The following PCDHA12 variants were observed in gnomAD, a reference collection of about 807,000 sequenced individuals.
PCDHA12 encodes the protein protocadherin alpha 12.
PCDHA12 carries 44 observed loss-of-function variants against 60.0 expected under a neutral mutation model. The ratio of observed to expected loss-of-function variants is 0.73; its 90% confidence interval spans 0.58 to 0.94. The LOEUF is 0.94. PCDHA12 is among the 40% of genes least tolerant of loss of function. The pLI is 0.00. For synonymous variants in PCDHA12, 569 were observed against 553.0 expected (o/e 1.03, Z -0.40); for missense variants, 1,276 against 1,239.7 (o/e 1.03, Z -0.44).
intron 3 of PCDHA12, among the ~76,000 whole-genome samples, chr5:141,006,952 A>G (rs2098296225): frequency 1.3e-5 from 2 of 152,212 alleles, no homozygotes; most frequent in South Asian, 4.1e-4. Flanking sequence ...ATAGGCAGTT[A>G]TACATGAGAT....
chr5:141,009,863 A>G lies in PCDHA12; in HGVS notation c.2752A>G (p.Lys918Glu). 1 of 1,614,104 alleles carries G rather than the reference A, an allele frequency of 6.2e-7. No homozygotes were observed. Among genetic ancestry groups the G allele is most frequent in the Non-Finnish European group, 8.5e-7 (1 of 1,180,006 alleles). Residue 918 changes from lysine to glutamate, a missense_variant, in exon 4 of 4, where the codon AAA becomes GAA. Coordinates refer to ENST00000398631, the MANE Select transcript of PCDHA12 (RefSeq NM_018903.4). ...GKKEETKKKK[K>E]KKKGNKTQEK... ...AAAGGAGGAGACCAAGAAAAAGAAG[A>G]AAAAGAAGAAGGGTAACAAGACCCA...
Position 140,876,286 on chromosome 5 carries a change from G to C in PCDHA12, c.814G>C (p.Gly272Arg), listed in dbSNP as rs782471001. ...IQLNASDPDE[G>R]LNGEISYGIK... ...ACTAAATGCTTCCGATCCAGACGAA[G>C]GACTTAATGGAGAAATTTCCTATGG... Residue 272 changes from glycine (G) to arginine (R), a missense_variant, in exon 1 of 4, where the codon GGA becomes CGA. Transcript: ENST00000398631. 14 of 1,614,040 alleles carry C rather than the reference G, an allele frequency of 8.7e-6. No homozygotes were observed. The highest frequency in any genetic ancestry group is 1.0e-5 in the Non-Finnish European group (12 of 1,179,906).
At chr5:140,918,977 AG>A (rs1226723076) in intron 1 of PCDHA12, among the ~76,000 whole-genome samples, 6 of 152,192 alleles carry the variant, frequency 3.9e-5, no homozygotes, top group African/African-American at 1.4e-4. Context: ...CGTTTAGGTT[AG>A]TTGGTTTTTA....
At chr5:140,886,742 C>T (rs2061110620) in intron 1 of PCDHA12, among the ~76,000 whole-genome samples, 1 of 149,008 alleles carries the variant, frequency 6.7e-6, no homozygotes, top group Non-Finnish European at 1.5e-5. Flanking sequence ...AAGAGAATTG[C>T]TTGAACCCGG....
chr5:140,928,474 C>T, intron 1 of PCDHA12: 1 of 1,614,090 alleles, frequency 6.2e-7, no homozygotes, highest in Non-Finnish European at 8.5e-7. Flanking sequence ...AGTAGAAGGC[C>T]GGGATGGTGG....
chr5:140,894,354 TTTC>T (rs1477056787), intron 1 of PCDHA12, among the ~76,000 whole-genome samples: 2 of 152,070 alleles, frequency 1.3e-5, no homozygotes, highest in Admixed American at 1.3e-4. Context: ...TTACTTCAGA[TTTC>T]TTCTTCAATG....
intron 1 of PCDHA12, among the ~76,000 whole-genome samples, chr5:140,888,878 T>G (rs1280508372): frequency 6.6e-6 from 1 of 152,132 alleles, no homozygotes; most frequent in African/African-American, 2.4e-5. Flanking sequence ...ACATAAAAAT[T>G]AAAACATTAG....
At chr5:140,929,410 C>G (rs2086136493) in intron 1 of PCDHA12, 1 of 1,505,808 alleles carries the variant, frequency 6.6e-7, no homozygotes, top group Non-Finnish European at 8.9e-7. Context: ...ACAAGCCTTT[C>G]ACAACATTTC....
Position 140,876,906 on chromosome 5 carries a change from G to T in PCDHA12, c.1434G>T (p.Ser478=), listed in dbSNP as rs782762108. 13 of 1,613,908 alleles carry T rather than the reference G, an allele frequency of 8.1e-6. No individual in the cohort carries two copies. Among genetic ancestry groups the T allele is most frequent in the South Asian group, 2.2e-5 (2 of 91,078 alleles). ...CGGGCTGCCACATCTTCACGGTGTCGGCATGGGACGCGGACGCGCAGAAGA... is the reference window on the plus strand; with the variant it reads ...CGGGCTGCCACATCTTCACGGTGTCTGCATGGGACGCGGACGCGCAGAAGA... ...NPPGCHIFTV[S]AWDADAQKNA... Residue 478 remains serine (S), a synonymous_variant, in exon 1 of 4, where the codon TCG becomes TCT. Coordinates refer to ENST00000398631, the MANE Select transcript of PCDHA12 (RefSeq NM_018903.4).
chr5:140,887,120 G>A (rs2061314160), intron 1 of PCDHA12, among the ~76,000 whole-genome samples: 1 of 148,878 alleles, frequency 6.7e-6, no homozygotes, highest in African/African-American at 2.5e-5. Context: ...TTTTTGAGAC[G>A]GAGTCTCACT....
chr5:140,888,945 T>G (rs2062037344), intron 1 of PCDHA12, among the ~76,000 whole-genome samples: 1 of 152,102 alleles, frequency 6.6e-6, no homozygotes, highest in African/African-American at 2.4e-5. Context: ...GAGGTATAAA[T>G]TTTTTCTTTG....
intron 1 of PCDHA12, chr5:140,883,292 G>C (rs1352359327): frequency 6.2e-7 from 1 of 1,613,946 alleles, no homozygotes; most frequent in Non-Finnish European, 8.5e-7. Flanking sequence ...GGAAGTACTA[G>C]ATGTAAATGA....
At position 141,010,198 on chromosome 5, in the gene PCDHA12, C is replaced by T; in HGVS notation, c.*261C>T. ...AAAGCAGACCCAAGTTTCCTTTCTC[C>T]TCCGCCGCAAAGGAGAGGCTTCCCA... On this transcript the variant is annotated 3_prime_UTR_variant, in exon 4 of 4. Transcript: ENST00000398631. The T allele has an allele frequency of 6.4e-7, 1 of 1,552,138 alleles. No homozygotes were observed. The highest frequency in any genetic ancestry group is 1.4e-5 in the African/African-American group (1 of 73,154).
At chr5:140,917,941 T>C (rs1415827294) in intron 1 of PCDHA12, among the ~76,000 whole-genome samples, 1 of 152,146 alleles carries the variant, frequency 6.6e-6, no homozygotes, top group Non-Finnish European at 1.5e-5. Flanking sequence ...ATAATATTGG[T>C]AGTTTGATAG....
At chr5:140,968,881 C>A in intron 1 of PCDHA12, 1 of 1,614,154 alleles carries the variant, frequency 6.2e-7, no homozygotes, top group Non-Finnish European at 8.5e-7. Context: ...CTGAAATTAC[C>A]CTTTATCTAA....
At chr5:140,999,894 G>A (rs1260070986) in intron 3 of PCDHA12, among the ~76,000 whole-genome samples, 3 of 152,096 alleles carry the variant, frequency 2.0e-5, no homozygotes, top group African/African-American at 7.2e-5. Flanking sequence ...TGTAGCTTGG[G>A]ACACCAAACA....
At chr5:140,893,655 T>G (rs894439477) in intron 1 of PCDHA12, among the ~76,000 whole-genome samples, 1 of 152,200 alleles carries the variant, frequency 6.6e-6, no homozygotes, top group Non-Finnish European at 1.5e-5. Flanking sequence ...GCTGATAGTT[T>G]TAAAAAATTT....
chr5:140,876,637 C>G lies in PCDHA12; in HGVS notation c.1165C>G (p.Leu389Val), dbSNP rs1554168755. The G allele has an allele frequency of 6.2e-7, 1 of 1,614,088 alleles. No homozygotes were observed. Among genetic ancestry groups the G allele is most frequent in the Non-Finnish European group, 8.5e-7 (1 of 1,180,036 alleles). The change falls in exon 1 of 4, where the codon CTG (leucine) becomes GTG (valine). Residue 389 changes from leucine (L) to valine (V), a missense_variant. Leu to Val is a conservative substitution (Grantham distance 32). Transcript: ENST00000398631. Reference protein sequence around the residue: ...SGANGQVICSLTPHVPFKLVS... With the variant: ...SGANGQVICSVTPHVPFKLVS... ...AGCCAATGGACAGGTCATCTGCTCA[C>G]TGACACCTCATGTTCCCTTCAAGCT...
intron 2 of PCDHA12, 29 bp downstream of exon 2, chr5:140,979,036 A>G: frequency 6.2e-7 from 1 of 1,613,064 alleles, no homozygotes. Context: ...ATTCACTCAG[A>G]AGTAACCTTA....
Sources: allele counts gnomAD v4.1 joint callset (sites outside exome capture counted in the v4.1 genomes callset), GRCh38; gene constraint gnomAD v4.1.1; transcripts MANE v1.5; gene names NCBI Gene and HGNC (gene_info 2026-07-23, HGNC 2026-07-21).